Variants in KCNK12 observed in about 807,000 individuals in gnomAD.
The protein encoded by KCNK12 is potassium channel subfamily K member 12.
A neutral mutation model predicts 25.3 loss-of-function variants in KCNK12; 6 were observed. The observed-to-expected ratio is 0.24, with a 90% confidence interval of 0.13 to 0.47. The LOEUF (loss-of-function observed/expected upper bound fraction) is 0.47, where lower values mean the gene tolerates loss of function less well. KCNK12 is among the 20% of genes least tolerant of loss of function. The probability of loss-of-function intolerance (pLI) is 0.99; values close to 1 mark genes in which losing one functional copy is unlikely to be tolerated. For synonymous variants in KCNK12, 331 were observed against 311.1 expected (o/e 1.06, Z -0.67); for missense variants, 444 against 661.7 (o/e 0.67, Z 3.61).
At chr2:47,564,302 T>C (rs1015895087) in intron 1 of KCNK12, 13 of 229,542 alleles carry the variant, frequency 5.7e-5, no homozygotes, top group African/African-American at 2.9e-4. Context: ...ACAAGCACCA[T>C]GAAGACAGCA....
chr2:47,550,528 G>A (rs540945878), intron 1 of KCNK12, among the ~76,000 whole-genome samples: 4 of 151,742 alleles, frequency 2.6e-5, no homozygotes, highest in South Asian at 4.2e-4. Flanking sequence ...GATTACAAGC[G>A]TGTCCCACCA....
chr2:47,547,962 TG>T lies in KCNK12; in HGVS notation c.391+21978del, dbSNP rs1451672931. Among the ~76,000 whole-genome samples, 1 of 152,236 alleles carries T rather than the reference TG, an allele frequency of 6.6e-6. No homozygotes were observed. Among genetic ancestry groups the T allele is most frequent in the East Asian group, 1.9e-4 (1 of 5,180 alleles). ...GGCGTGGTGGGAAGTGATTGGAACATGGGGGTGGATTTCCCCCTTGCCGTTC... is the reference window on the plus strand; with the variant it reads ...GGCGTGGTGGGAAGTGATTGGAACATGGGGTGGATTTCCCCCTTGCCGTTC... On this transcript the variant is annotated intron_variant, in intron 1 of 1. Coordinates refer to ENST00000327876, the MANE Select transcript of KCNK12 (RefSeq NM_022055.2). This position sits in a 1 kb window ranked among gnomAD's most constrained non-coding sequence, Gnocchi z 5.0.
At chr2:47,537,256 A>G (rs947110118) in intron 1 of KCNK12, among the ~76,000 whole-genome samples, 3 of 151,984 alleles carry the variant, frequency 2.0e-5, no homozygotes, top group African/African-American at 7.2e-5. Context: ...TTGGCTATAT[A>G]TGTGCATGTG....
At chr2:47,541,025 C>G (rs951578972) in intron 1 of KCNK12, among the ~76,000 whole-genome samples, 1 of 152,220 alleles carries the variant, frequency 6.6e-6, no homozygotes. Flanking sequence ...TTCCTGAGGA[C>G]ACTTGTGACT....
At position 47,522,924 on chromosome 2, in the gene KCNK12, C is replaced by T. The variant is rs144338132; in HGVS notation, c.392-1116G>A. Reference sequence around the variant, plus strand: ...TTTTCCCAAGTGTGCCATAGATTTTCGGTCCCTCCCTGTTATTAAAAAAAA... The same window carrying T: ...TTTTCCCAAGTGTGCCATAGATTTTTGGTCCCTCCCTGTTATTAAAAAAAA... On this transcript the variant is annotated intron_variant, in intron 1 of 1. Coordinates refer to ENST00000327876, the MANE Select transcript of KCNK12 (RefSeq NM_022055.2). 6.0e-3 allele frequency among the ~76,000 whole-genome samples: 913 copies of T among 151,982 alleles called. 3 individuals are homozygous for T. The highest frequency in any genetic ancestry group is 8.6e-3 in the Admixed American group (131 of 15,198).
In KCNK12 at chr2:47,509,415, G is replaced by A. The variant is rs1252821162; in HGVS notation, c.*11492C>T. On this transcript the variant is annotated 3_prime_UTR_variant, in exon 2 of 2. Coordinates refer to ENST00000327876, the MANE Select transcript of KCNK12 (RefSeq NM_022055.2). The stretch of plus-strand genomic sequence containing the variant: ...GTAGGTCTTTGAAAACCAACAGATT[G>A]CAAATTCTCTGTCCCATAGCAGGAA... 6.6e-6 allele frequency among the ~76,000 whole-genome samples: 1 copy of A among 152,216 alleles called. No homozygotes were observed. The highest frequency in any genetic ancestry group is 1.5e-5 in the Non-Finnish European group (1 of 68,036).
rs1668472450 is a variant in KCNK12 at position 47,514,282 on chromosome 2, G to A, written c.*6625C>T. Among the ~76,000 whole-genome samples the A allele has an allele frequency of 6.6e-6, 1 of 152,236 alleles. No individual in the cohort carries two copies. Among genetic ancestry groups the A allele is most frequent in the Non-Finnish European group, 1.5e-5 (1 of 68,046 alleles). On this transcript the variant is annotated 3_prime_UTR_variant, in exon 2 of 2. Transcript: ENST00000327876. This position sits in a 1 kb window ranked among gnomAD's most constrained non-coding sequence, Gnocchi z 5.0. The stretch of plus-strand genomic sequence containing the variant: ...GGCTGCCTCTCTTTGGTGTGCCCAT[G>A]GCAGCCCAGAATGCCTGGTGGACAG...
In KCNK12 at chr2:47,569,782, G is replaced by C. The variant is rs536609888; in HGVS notation, c.391+159C>G. Among the ~76,000 whole-genome samples the C allele has an allele frequency of 5.3e-4, 80 of 152,270 alleles. No homozygotes were observed. Among genetic ancestry groups the C allele is most frequent in the African/African-American group, 1.5e-3 (61 of 41,548 alleles). On this transcript the variant is annotated intron_variant, in intron 1 of 1. Coordinates refer to ENST00000327876, the MANE Select transcript of KCNK12 (RefSeq NM_022055.2). This position sits in a 1 kb window ranked among gnomAD's most constrained non-coding sequence, Gnocchi z 4.1. ...AAGCCGGGAGGGAGAGAGAGAGAGA[G>C]AACGGGGGCCGGCGGAGAAGAGGGC...
rs772478321 is a variant in KCNK12 at position 47,518,573 on chromosome 2, G to A, written c.*2334C>T. On this transcript the variant is annotated 3_prime_UTR_variant, in exon 2 of 2. Transcript: ENST00000327876. The surrounding 1 kb of genome is among the most constrained non-coding windows in gnomAD (Gnocchi z 4.1). ...TTGAGTTTTTCTTCTCTGGAGGTGG[G>A]TCCTGGTTCCTCCCATGGAGACCAC... 2 of 152,324 alleles carry A rather than the reference G, an allele frequency of 1.3e-5. No homozygotes were observed. The highest frequency in any genetic ancestry group is 4.8e-5 in the African/African-American group (2 of 41,476). 9.4% of individuals were successfully genotyped at this position (152,324 alleles called of 1,614,324 possible).
Position 47,538,859 on chromosome 2 carries a change from T to C in KCNK12, c.392-17051A>G, listed in dbSNP as rs1338741311. Among the ~76,000 whole-genome samples, 1 of 152,236 alleles carries C rather than the reference T, an allele frequency of 6.6e-6. No homozygotes were observed. The highest frequency in any genetic ancestry group is 2.4e-5 in the African/African-American group (1 of 41,460). ...CCTGAAATGAGAAAAACCATGACTT[T>C]CATTTGATTTTAATGTGAGGGAGAA... On this transcript the variant is annotated intron_variant, in intron 1 of 1. Transcript: ENST00000327876. This position sits in a 1 kb window ranked among gnomAD's most constrained non-coding sequence, Gnocchi z 4.5.
chr2:47,550,567 G>C (rs1669407736), intron 1 of KCNK12, among the ~76,000 whole-genome samples: 1 of 151,696 alleles, frequency 6.6e-6, no homozygotes, highest in Non-Finnish European at 1.5e-5. Flanking sequence ...ACTTTTAGTA[G>C]AGACAGGGTT....
rs72812341 is a variant in KCNK12 at position 47,555,697 on chromosome 2, G to A, written c.391+14244C>T. Among the ~76,000 whole-genome samples, 5 of 151,970 alleles carry A rather than the reference G, an allele frequency of 3.3e-5. No individual in the cohort carries two copies. Among genetic ancestry groups the A allele is most frequent in the Admixed American group, 6.5e-5 (1 of 15,268 alleles). On this transcript the variant is annotated intron_variant, in intron 1 of 1. Coordinates refer to ENST00000327876, the MANE Select transcript of KCNK12 (RefSeq NM_022055.2). The surrounding 1 kb of genome is among the most constrained non-coding windows in gnomAD (Gnocchi z 4.5). The stretch of plus-strand genomic sequence containing the variant: ...CTGTCTTTTAATTCAGGGCCCTAGC[G>A]GCTGAAAATAAGAAAATGTAGGGGA...
At chr2:47,521,881 T>TGG in intron 1 of KCNK12, 73 bp from the exon 2 acceptor site, 44 of 212,104 alleles carry the variant, frequency 2.1e-4, no homozygotes, top group East Asian at 2.5e-4. Context: ...GTGGGGGGTG[T>TGG]GGGGGCGGGG....
chr2:47,570,480 T>G lies in KCNK12; in HGVS notation c.-149A>C. 1.2e-6 allele frequency: 1 copy of G among 819,694 alleles called. No individual in the cohort carries two copies. Among genetic ancestry groups the G allele is most frequent in the South Asian group, 6.2e-5 (1 of 16,074 alleles). 50.8% of individuals were successfully genotyped at this position (819,694 alleles called of 1,614,324 possible). On this transcript the variant is annotated 5_prime_UTR_variant, in exon 1 of 2. Transcript: ENST00000327876. Reference sequence around the variant, plus strand: ...GCCTTCGCAGAGCCCCTCGTCGCCTTCCCAGAGCCCGGACAGAGGGGCGCC... The same window carrying G: ...GCCTTCGCAGAGCCCCTCGTCGCCTGCCCAGAGCCCGGACAGAGGGGCGCC...
rs140000138 is a variant in KCNK12, at chr2:47,545,036, T to G, written c.392-23228A>C. Among the ~76,000 whole-genome samples, 184 of 152,332 alleles carry G rather than the reference T, an allele frequency of 1.2e-3. 1 individual carries two copies. The highest frequency in any genetic ancestry group is 4.3e-3 in the African/African-American group (179 of 41,584). On this transcript the variant is annotated intron_variant, in intron 1 of 1. Transcript: ENST00000327876. ...AAGAAGTATCTGTTATTCGAGTGAA[T>G]TAAAGACCACTCGTTTTGTCATTAT... is the stretch of plus-strand genomic sequence containing the variant.
At chr2:47,536,017 A>G (rs1477838361) in intron 1 of KCNK12, among the ~76,000 whole-genome samples, 3 of 151,966 alleles carry the variant, frequency 2.0e-5, no homozygotes, top group African/African-American at 4.8e-5. Flanking sequence ...TGCCTTGCCT[A>G]TTGTCCCCCT....
intron 1 of KCNK12, among the ~76,000 whole-genome samples, chr2:47,552,520 C>T (rs939539004): frequency 6.6e-6 from 1 of 152,222 alleles, no homozygotes; most frequent in South Asian, 2.1e-4. Flanking sequence ...GTAATCCCAA[C>T]ACTTTGGGAG....
Position 47,511,234 on chromosome 2 carries a change from G to A in KCNK12, c.*9673C>T, listed in dbSNP as rs1231373557. On this transcript the variant is annotated 3_prime_UTR_variant, in exon 2 of 2. Coordinates refer to ENST00000327876, the MANE Select transcript of KCNK12 (RefSeq NM_022055.2). The surrounding 1 kb of genome is among the most constrained non-coding windows in gnomAD (Gnocchi z 4.3). ...TCCTTACTGAGCCTCATTTCCCTCT[G>A]TCTGCAGAGTCAAGCAAATCTTCCA... 6.6e-6 allele frequency among the ~76,000 whole-genome samples: 1 copy of A among 152,176 alleles called. No individual in the cohort carries two copies. The highest frequency in any genetic ancestry group is 1.5e-5 in the Non-Finnish European group (1 of 68,030).
intron 1 of KCNK12, among the ~76,000 whole-genome samples, chr2:47,534,658 A>T (rs983567175): frequency 1.3e-5 from 2 of 151,756 alleles, no homozygotes; most frequent in African/African-American, 4.8e-5. Context: ...GAGCAATGAG[A>T]TGAAGAAAGC....
Sources: gnomAD v4.1 joint callset for allele counts (sites outside exome capture counted in the v4.1 genomes callset) on GRCh38, gnomAD v4.1.1 for gene constraint, Gnocchi (gnomAD v3.1) non-coding constraint, MANE v1.5 for transcripts, NCBI Gene and HGNC (gene_info 2026-07-23, HGNC 2026-07-21) for gene names.